AGO4: variants seen among roughly 807,000 people sequenced by gnomAD.
The protein encoded by AGO4 is argonaute RISC component 4.
A neutral mutation model predicts 104.7 loss-of-function variants in AGO4; 33 were observed. The observed-to-expected ratio is 0.32, with a 90% CI of 0.24 to 0.42. AGO4 has a LOEUF of 0.42. AGO4 is among the 10% of genes least tolerant of loss of function. The pLI is 1.00. For synonymous variants in AGO4, 331 were observed against 364.7 expected, an observed-to-expected ratio of 0.91 and a Z score of 1.05; for missense variants, 711 against 1,083.4, an observed-to-expected ratio of 0.66 and a Z score of 4.83.
chr1:35,810,709 A>G (rs1362845319), intron 1 of AGO4, among the ~76,000 whole-genome samples: 1 of 152,040 alleles, frequency 6.6e-6, no homozygotes, highest in African/African-American at 2.4e-5. Flanking sequence ...TAAAGACCTG[A>G]GTTTGGGTCA....
intron 15 of AGO4, among the ~76,000 whole-genome samples, chr1:35,842,296 A>G (rs7525882): frequency 0.13 from 18,994 of 151,928 alleles, 2,931 homozygotes; most frequent in East Asian, 0.7. Context: ...GAACAGTTTC[A>G]TCCCAAAACC....
intron 15 of AGO4, among the ~76,000 whole-genome samples, chr1:35,847,773 AT>A (rs1377972661): frequency 6.6e-6 from 1 of 151,910 alleles, no homozygotes; most frequent in Non-Finnish European, 1.5e-5. Flanking sequence ...ATTGTTTTTA[AT>A]TTTTTTCATA....
intron 15 of AGO4, among the ~76,000 whole-genome samples, chr1:35,848,404 G>A (rs573441127): frequency 1.3e-5 from 2 of 152,234 alleles, no homozygotes; most frequent in East Asian, 3.9e-4. Flanking sequence ...TTTTCCCAAT[G>A]CTTCCCATAT....
At chr1:35,849,279 G>T (rs1004327390) in intron 15 of AGO4, among the ~76,000 whole-genome samples, 2 of 152,202 alleles carry the variant, frequency 1.3e-5, no homozygotes, top group African/African-American at 2.4e-5. Context: ...TTTGTTCAAG[G>T]TATATAGTTG....
At chr1:35,847,685 T>G (rs1644604728) in intron 15 of AGO4, among the ~76,000 whole-genome samples, 1 of 151,942 alleles carries the variant, frequency 6.6e-6, no homozygotes, top group Admixed American at 6.6e-5. Flanking sequence ...AAAATGTGTA[T>G]AAGTTTTTAC....
At chr1:35,835,667 A>T (rs548125197) in intron 12 of AGO4, among the ~76,000 whole-genome samples, 167 bp from the exon 13 acceptor site, 1 of 152,138 alleles carries the variant, frequency 6.6e-6, no homozygotes, top group East Asian at 1.9e-4. Flanking sequence ...CAGGGGGAAA[A>T]ATTGCCCTGG....
intron 1 of AGO4, among the ~76,000 whole-genome samples, chr1:35,810,452 G>A (rs1643464027): frequency 6.6e-6 from 1 of 152,062 alleles, no homozygotes; most frequent in Admixed American, 6.6e-5. Context: ...CCTGCCCACC[G>A]CCTCCCTGCA....
rs759547637 is a variant in AGO4 at position 35,832,051 on chromosome 1, C to T, written c.1117-6C>T. On this transcript the variant is annotated splice_region_variant and splice_polypyrimidine_tract_variant and intron_variant, in intron 9 of 17. Transcript: ENST00000373210. ...TTTTATATATGCAGGCTTTCCTGTT[C>T]TTTAGGTGAAGAGCAACAGTATGGT... is the stretch of plus-strand genomic sequence containing the variant. 5.0e-6 allele frequency: 8 copies of T among 1,609,916 alleles called. No homozygotes were observed. The highest frequency in any genetic ancestry group is 1.3e-5 in the African/African-American group (1 of 74,600).
At chr1:35,826,440 C>G (rs1237652138) in intron 6 of AGO4, among the ~76,000 whole-genome samples, 1 of 152,032 alleles carries the variant, frequency 6.6e-6, no homozygotes, top group African/African-American at 2.4e-5. Context: ...GTTAGTTTCC[C>G]TCACTAGAAT....
In AGO4 at chr1:35,822,885, G is replaced by A. The variant is rs745568000; in HGVS notation, c.209G>A (p.Arg70Gln). 38 of 1,613,854 alleles carry A rather than the reference G, an allele frequency of 2.4e-5. No individual in the cohort carries two copies. Among genetic ancestry groups the A allele is most frequent in the African/African-American group, 6.7e-5 (5 of 74,856 alleles). ...AGGGAGGTAGTAGATACAATGGTGC[G>A]GCACTTCAAGATGCAAATATTTGGT... ...VNREVVDTMV[R>Q]HFKMQIFGDR... Residue 70 changes from arginine to glutamine, a missense_variant, in exon 3 of 18, where the codon CGG becomes CAG. By Grantham distance (43) the Arg-to-Gln change is conservative (BLOSUM62 1). Transcript: ENST00000373210.
At chr1:35,837,682 AACATCT>A (rs1644347707) in intron 13 of AGO4, among the ~76,000 whole-genome samples, 2 of 151,492 alleles carry the variant, frequency 1.3e-5, no homozygotes, top group Admixed American at 6.6e-5. Flanking sequence ...GCCTAGCCTA[AACATCT>A]TCTTTTATAA....
chr1:35,816,538 C>G (rs552053526), intron 1 of AGO4, among the ~76,000 whole-genome samples: 1 of 152,032 alleles, frequency 6.6e-6, no homozygotes, highest in African/African-American at 2.4e-5. Context: ...CGGTGGCTCA[C>G]GCCTGTAATC....
chr1:35,832,665 C>T, intron 11 of AGO4, 95 bp downstream of exon 11: 1 of 1,436,764 alleles, frequency 7.0e-7, no homozygotes, highest in Non-Finnish European at 9.3e-7. Flanking sequence ...GCACTAAATC[C>T]CTGACTCCCA....
chr1:35,850,878 C>G lies in AGO4; in HGVS notation c.2302C>G (p.Gln768Glu), dbSNP rs1220245785. The G allele has an allele frequency of 2.5e-6, 4 of 1,613,336 alleles. No homozygotes were observed. The highest frequency in any genetic ancestry group is 3.4e-6 in the Non-Finnish European group (4 of 1,179,838). The change falls in exon 17 of 18, where the codon CAG (glutamine) becomes GAG (glutamate). Residue 768 changes from glutamine (Q) to glutamate (E), a missense_variant. This residue lies in a region of AGO4 where 401 missense variants were observed against 665.5 expected (regional missense o/e 0.60). Coordinates refer to ENST00000373210, the MANE Select transcript of AGO4 (RefSeq NM_017629.4). The stretch of plus-strand genomic sequence containing the variant: ...GGGAACCAGCCGTCCCTCACATTAC[C>G]AGGTCTTGTGGGATGACAACTGCTT... The part of the protein sequence containing the change: ...IQGTSRPSHY[Q>E]VLWDDNCFTA...
chr1:35,842,755 T>C (rs1292104914), intron 15 of AGO4, among the ~76,000 whole-genome samples: 1 of 151,884 alleles, frequency 6.6e-6, no homozygotes, highest in Non-Finnish European at 1.5e-5. Context: ...TGAGCCGAGA[T>C]CATACCACTG....
At chr1:35,818,598 T>G (rs1425439674) in intron 2 of AGO4, among the ~76,000 whole-genome samples, 2 of 147,930 alleles carry the variant, frequency 1.4e-5, no homozygotes, top group Non-Finnish European at 3.0e-5. Flanking sequence ...CATTCCAGCC[T>G]GGGCAACAGA....
At position 35,825,353 on chromosome 1, in the gene AGO4, A is replaced by G. The variant is rs1643992018; in HGVS notation, c.347A>G (p.Gln116Arg). The change falls in exon 4 of 18, where the codon CAA becomes CGA. Residue 116 changes from glutamine (Q) to arginine (R), a missense_variant. This residue lies in a region of AGO4 where 308 missense variants were observed against 397.8 expected (regional missense o/e 0.77). Transcript: ENST00000373210. Reference sequence around the variant, plus strand: ...ACTCTTCCAGGCGAGGGTAAAGACCAAACATTTAAAGTGTCTGTTCAGTGG... The same window carrying G: ...ACTCTTCCAGGCGAGGGTAAAGACCGAACATTTAAAGTGTCTGTTCAGTGG... ...EVTLPGEGKD[Q>R]TFKVSVQWVS... 11 of 1,614,088 alleles carry G rather than the reference A, an allele frequency of 6.8e-6. No individual in the cohort carries two copies. Among genetic ancestry groups the G allele is most frequent in the Non-Finnish European group, 9.3e-6 (11 of 1,180,052 alleles).
At chr1:35,846,527 G>T (rs1644577498) in intron 15 of AGO4, among the ~76,000 whole-genome samples, 1 of 151,840 alleles carries the variant, frequency 6.6e-6, no homozygotes, top group Admixed American at 6.6e-5. Context: ...AATCCGGGAG[G>T]TGGAGCTTGC....
At chr1:35,832,408 T>G in intron 10 of AGO4, 29 bp from the exon 11 acceptor site, 1 of 1,550,692 alleles carries the variant, frequency 6.4e-7, no homozygotes, top group East Asian at 2.3e-5. Flanking sequence ...TTCTTCTTCT[T>G]CTTCTTCTTC....
Sources: allele counts gnomAD v4.1 joint callset (sites outside exome capture counted in the v4.1 genomes callset), GRCh38; gene constraint gnomAD v4.1.1; regional missense constraint gnomAD v4.1.1; transcripts MANE v1.5; gene names NCBI Gene and HGNC (gene_info 2026-07-23, HGNC 2026-07-21).